SCARB2: variants seen among roughly 807,000 people sequenced by gnomAD.
SCARB2 encodes scavenger receptor class B member 2.
SCARB2 carries 29 observed loss-of-function variants against 58.6 expected under a neutral mutation model. That is an observed-to-expected ratio of 0.49 (90% CI 0.37 to 0.67). SCARB2 has a LOEUF of 0.67. Ranked by LOEUF, SCARB2 falls within the 30% of genes least tolerant of loss-of-function variation. The probability of loss-of-function intolerance (pLI) is 0.00; values close to 1 mark genes in which losing one functional copy is unlikely to be tolerated. For synonymous variants in SCARB2, 195 were observed against 210.1 expected, an observed-to-expected ratio of 0.93 and a Z score of 0.62; for missense variants, 488 against 578.5, an observed-to-expected ratio of 0.84 and a Z score of 1.60.
intron 1 of SCARB2, among the ~76,000 whole-genome samples, chr4:76,201,937 T>A (rs573893072): frequency 1.4e-4 from 22 of 152,360 alleles, no homozygotes; most frequent in African/African-American, 5.0e-4. Context: ...TCCTTTGTGC[T>A]AAGCCACTGT....
At chr4:76,205,050 G>C (rs1043212265) in intron 1 of SCARB2, among the ~76,000 whole-genome samples, 1 of 152,162 alleles carries the variant, frequency 6.6e-6, no homozygotes, top group Non-Finnish European at 1.5e-5. Flanking sequence ...ATTGGGCCAG[G>C]CACAGTGGCT....
chr4:76,173,925 ATTCTT>A, intron 7 of SCARB2: 1 of 602,826 alleles, frequency 1.7e-6, no homozygotes, highest in Non-Finnish European at 3.0e-6. Context: ...CTGACAATAT[ATTCTT>A]TTTTGTTTGT....
chr4:76,184,824 C>T (rs936361713), intron 2 of SCARB2: 2 of 353,836 alleles, frequency 5.7e-6, no homozygotes, highest in Non-Finnish European at 1.1e-5. Flanking sequence ...CAAGAAAACT[C>T]AGTAAAAGAC....
chr4:76,192,743 T>C (rs1265695476), intron 2 of SCARB2: 1 of 151,272 alleles, frequency 6.6e-6, no homozygotes, highest in Non-Finnish European at 1.5e-5. Flanking sequence ...TCCTAGATAC[T>C]TGGGAGGCTG....
At chr4:76,227,060 C>A (rs140146655) in intron 1 of SCARB2, among the ~76,000 whole-genome samples, 8,046 of 151,726 alleles carry the variant, frequency 0.053, 250 homozygotes, top group Middle Eastern at 0.088. Flanking sequence ...TTCTTTTCTT[C>A]TGCTGGGTTT....
In SCARB2 at chr4:76,166,261, A is replaced by T; in HGVS notation, c.1228T>A (p.Tyr410Asn). Residue 410 changes from tyrosine (Y) to asparagine (N), a missense_variant, in exon 10 of 12, where the codon TAC becomes AAC. Coordinates refer to ENST00000264896, the MANE Select transcript of SCARB2 (RefSeq NM_005506.4). ...GTCTCAGGACTTACCTCATTGAGGTACATCACTGGGAAAACCATGGTTCTA... is the reference window on the plus strand; with the variant it reads ...GTCTCAGGACTTACCTCATTGAGGTTCATCACTGGGAAAACCATGGTTCTA... ...DIRTMVFPVM[Y>N]LNESVHIDKE... is the part of the protein sequence containing the mutation. The T allele has an allele frequency of 1.9e-6, 3 of 1,614,196 alleles. No individual in the cohort carries two copies.
At chr4:76,205,316 G>A (rs1732908267) in intron 1 of SCARB2, among the ~76,000 whole-genome samples, 1 of 151,594 alleles carries the variant, frequency 6.6e-6, no homozygotes, top group South Asian at 2.1e-4. Context: ...ACAGAGAGAA[G>A]CCCTATCTCA....
At chr4:76,189,506 AAAGTCT>A (rs1457595115) in intron 2 of SCARB2, among the ~76,000 whole-genome samples, 1 of 131,550 alleles carries the variant, frequency 7.6e-6, no homozygotes, top group Admixed American at 7.6e-5. Context: ...TGTTTGAGAC[AAAGTCT>A]TGCTCGGTCG....
chr4:76,184,613 A>T lies in SCARB2; in HGVS notation c.276-3512T>A, dbSNP rs112769094. On this transcript the variant is annotated intron_variant, in intron 2 of 11. Coordinates refer to ENST00000264896, the MANE Select transcript of SCARB2 (RefSeq NM_005506.4). The stretch of plus-strand genomic sequence containing the variant: ...CTCTGAATCCTGAGCACAGTGCCTC[A>T]AGATAGAAAACACAGTAAAAGAACC... 2.9e-3 allele frequency: 569 copies of T among 198,866 alleles called. 5 individuals carry two copies. Among genetic ancestry groups the T allele is most frequent in the African/African-American group, 0.013 (539 of 42,288 alleles). The allele number at this position is 198,866 out of a possible 1,614,324, so 12.3% of individuals were successfully genotyped here. A position where few individuals can be genotyped will look rare whatever the true frequency, so the allele number is the denominator to read the frequency against.
intron 3 of SCARB2, chr4:76,179,937 TTTGCAGGCTCTGA>T: frequency 1.8e-6 from 1 of 567,586 alleles, no homozygotes; most frequent in Admixed American, 2.9e-5. Flanking sequence ...AAAGAGACCA[TTTGCAGGCTCTGA>T]GTTATCCAGA....
intron 1 of SCARB2, among the ~76,000 whole-genome samples, chr4:76,221,884 C>T (rs971032123): frequency 6.6e-6 from 1 of 152,194 alleles, no homozygotes; most frequent in African/African-American, 2.4e-5. Flanking sequence ...AACAAACTTG[C>T]ACATGTACCA....
intron 2 of SCARB2, chr4:76,194,569 G>A (rs551280647): frequency 5.3e-5 from 8 of 152,280 alleles, no homozygotes; most frequent in Admixed American, 5.2e-4. Context: ...CCACCACTGA[G>A]AATAGTACTG....
At chr4:76,232,754 GC>G (rs1194641056) in intron 1 of SCARB2, among the ~76,000 whole-genome samples, 2 of 152,010 alleles carry the variant, frequency 1.3e-5, no homozygotes, top group African/African-American at 4.8e-5. Flanking sequence ...CTATCTAAAA[GC>G]CAGGTATCAG....
intron 2 of SCARB2, among the ~76,000 whole-genome samples, chr4:76,187,850 C>T (rs3866353): frequency 0.11 from 16,669 of 151,772 alleles, 1,135 homozygotes; most frequent in East Asian, 0.21. Flanking sequence ...AAAATATAGT[C>T]TACACTCTTA....
chr4:76,222,391 TA>T (rs1428683966), intron 1 of SCARB2, among the ~76,000 whole-genome samples: 1 of 152,176 alleles, frequency 6.6e-6, no homozygotes, highest in Non-Finnish European at 1.5e-5. Context: ...CATGCCCAGC[TA>T]ATTTTTGTAT....
intron 3 of SCARB2, chr4:76,180,064 C>CCACCCAGAT: frequency 3.4e-6 from 1 of 293,406 alleles, no homozygotes; most frequent in Non-Finnish European, 6.8e-6. Flanking sequence ...ATAAACCCGA[C>CCACCCAGAT]CTACACCCCT....
chr4:76,229,831 G>C (rs1290922158), intron 1 of SCARB2, among the ~76,000 whole-genome samples: 2 of 152,218 alleles, frequency 1.3e-5, no homozygotes, highest in African/African-American at 4.8e-5. Flanking sequence ...TAGCAGTGAA[G>C]TTTTTATGTG....
At chr4:76,217,546 TCA>T, upstream of SCARB2, 1 of 460,162 alleles carries the variant, frequency 2.2e-6, no homozygotes, top group Non-Finnish European at 3.9e-6. Flanking sequence ...CCCATGTGCC[TCA>T]CACAGGTGTG....
intron 1 of SCARB2, among the ~76,000 whole-genome samples, chr4:76,209,519 C>T (rs560558069): frequency 1.3e-5 from 2 of 152,202 alleles, no homozygotes; most frequent in East Asian, 3.9e-4. Flanking sequence ...CAGGCACCTG[C>T]CACCATGCCT....
Sources: allele counts gnomAD v4.1 joint callset (sites outside exome capture counted in the v4.1 genomes callset), GRCh38; gene constraint gnomAD v4.1.1; transcripts MANE v1.5; gene names NCBI Gene and HGNC (gene_info 2026-07-23, HGNC 2026-07-21).